Variants in CHERP observed in about 807,000 individuals in gnomAD.
The protein encoded by CHERP is ERPROT 213-21.
In CHERP, 8 loss-of-function variants were observed where a neutral mutation model predicts 113.8. The observed-to-expected ratio is 0.07, with a 90% CI of 0.04 to 0.13. The LOEUF is 0.13. CHERP is among the 10% of genes least tolerant of loss of function. The probability of loss-of-function intolerance (pLI) is 1.00; values close to 1 mark genes in which losing one functional copy is unlikely to be tolerated. For synonymous variants in CHERP, 559 were observed against 524.5 expected, an observed-to-expected ratio of 1.07 and a Z score of -0.90; for missense variants, 884 against 1,298.2, an observed-to-expected ratio of 0.68 and a Z score of 4.90.
chr19:16,542,200 C>A, intron 1 of CHERP, 154 bp downstream of exon 1: 1 of 1,071,984 alleles, frequency 9.3e-7, no homozygotes, highest in African/African-American at 1.7e-5. Flanking sequence ...GCCACACGCT[C>A]GCCGGGAATG....
At chr19:16,531,228 T>A (rs2085701713) in intron 5 of CHERP, among the ~76,000 whole-genome samples, 1 of 152,172 alleles carries the variant, frequency 6.6e-6, no homozygotes, top group Non-Finnish European at 1.5e-5. Context: ...TGCCTGTGTA[T>A]GATGGGCGGG....
chr19:16,525,274 C>A lies in CHERP; in HGVS notation c.1709G>T (p.Arg570Leu). Residue 570 changes from arginine (R) to leucine (L), a missense_variant, in exon 10 of 17, where the codon CGC becomes CTC. This residue lies in a region of CHERP where 464 missense variants were observed against 590.1 expected (regional missense o/e 0.79). Transcript: ENST00000546361. This position sits in a 1 kb window ranked among gnomAD's most constrained non-coding sequence, Gnocchi z 6.5. The part of the protein sequence containing the change: ...HPFERPPYPH[R>L]FDYPQGDFPA... ...GAAGTCCCCCTGGGGGTAGTCGAAGCGGTGGGGATAGGGCGGCCGCTCGAA... is the reference window on the plus strand; with the variant it reads ...GAAGTCCCCCTGGGGGTAGTCGAAGAGGTGGGGATAGGGCGGCCGCTCGAA... 1 of 1,434,360 alleles carries A rather than the reference C, an allele frequency of 7.0e-7. No individual in the cohort carries two copies. The highest frequency in any genetic ancestry group is 1.5e-5 in the South Asian group (1 of 65,304). 88.9% of individuals were successfully genotyped at this position (1,434,360 alleles called of 1,614,324 possible).
rs953636246 is a variant in CHERP, at chr19:16,535,406, A to G, written c.384+46T>C. On this transcript the variant is annotated intron_variant, in intron 3 of 16. Coordinates refer to ENST00000546361, the MANE Select transcript of CHERP (RefSeq NM_006387.6). This position sits in a 1 kb window ranked among gnomAD's most constrained non-coding sequence, Gnocchi z 4.3. ...GATGAGCAGACGCAAAAACAGAGGC[A>G]CAGGGGAGCTGCTGGTGTCTGGCCG... is the stretch of plus-strand genomic sequence containing the variant. 4.4e-6 allele frequency: 7 copies of G among 1,580,180 alleles called. No homozygotes were observed. Among genetic ancestry groups the G allele is most frequent in the Non-Finnish European group, 6.0e-6 (7 of 1,163,436 alleles).
chr19:16,527,770 G>A (rs1013114077), intron 9 of CHERP, among the ~76,000 whole-genome samples: 6 of 152,164 alleles, frequency 3.9e-5, no homozygotes, highest in Admixed American at 6.5e-5. Context: ...GTTTAAGGAG[G>A]ACAGGAAACA....
At chr19:16,533,223 C>A in intron 3 of CHERP, 75 bp from the exon 4 acceptor site, 1 of 1,472,866 alleles carries the variant, frequency 6.8e-7, no homozygotes, top group Non-Finnish European at 9.2e-7. Flanking sequence ...CCTGGCTCAG[C>A]AGGGGCGGGG....
intron 5 of CHERP, among the ~76,000 whole-genome samples, chr19:16,531,823 A>G (rs112932601): frequency 4.6e-5 from 7 of 152,064 alleles, no homozygotes; most frequent in African/African-American, 1.7e-4. Flanking sequence ...GCTGCATGTG[A>G]TAGATGGGGC....
At position 16,535,560 on chromosome 19, in the gene CHERP, G is replaced by A. The variant is rs763228421; in HGVS notation, c.276C>T (p.Pro92=). Residue 92 remains proline, a synonymous_variant, in exon 3 of 17, where the codon CCC becomes CCT. Transcript: ENST00000546361. The surrounding 1 kb of genome is among the most constrained non-coding windows in gnomAD (Gnocchi z 4.3). ...CCTGGGCCGGCGGGATGGGCGCGGC[G>A]GGGGCCAGCGGGGGCTGTGGCAGGG... ...MPPLPQPPLA[P]AAPIPPAQGA... 1.0e-4 allele frequency: 160 copies of A among 1,567,758 alleles called. No individual in the cohort carries two copies. The highest frequency in any genetic ancestry group is 5.7e-4 in the East Asian group (24 of 42,242).
rs974680748 is a variant in CHERP at position 16,542,284 on chromosome 19, G to A, written c.25+70C>T. 10 of 1,330,418 alleles carry A rather than the reference G, an allele frequency of 7.5e-6. No homozygotes were observed. In the African/African-American group the frequency reaches 1.1e-4, roughly 14 times the overall value. 82.4% of individuals were successfully genotyped at this position (1,330,418 alleles called of 1,614,324 possible). A position where few individuals can be genotyped will look rare whatever the true frequency, so the allele number is the denominator to read the frequency against. On this transcript the variant is annotated intron_variant, in intron 1 of 16. Coordinates refer to ENST00000546361, the MANE Select transcript of CHERP (RefSeq NM_006387.6). ...GCCCCCTCCCAGACCCGGGGACTCCGGGAGGCGGGGCCGGCCAATAGGAGG... is the reference window on the plus strand; with the variant it reads ...GCCCCCTCCCAGACCCGGGGACTCCAGGAGGCGGGGCCGGCCAATAGGAGG...
At chr19:16,539,877 C>G (rs937482954) in intron 2 of CHERP, 2 of 152,290 alleles carry the variant, frequency 1.3e-5, no homozygotes, top group Non-Finnish European at 2.9e-5. Context: ...TTACTGCACA[C>G]ACTCAATCGA....
chr19:16,538,189 C>T (rs1449660475), intron 2 of CHERP, among the ~76,000 whole-genome samples: 1 of 152,184 alleles, frequency 6.6e-6, no homozygotes, highest in South Asian at 2.1e-4. Flanking sequence ...AACTCCTCCC[C>T]AAGCCAGGCT....
chr19:16,524,183 G>T (rs1171754765), intron 10 of CHERP, among the ~76,000 whole-genome samples: 1 of 152,116 alleles, frequency 6.6e-6, no homozygotes, highest in East Asian at 1.9e-4. Flanking sequence ...CCAAGAGGAG[G>T]CTGCAGTGAG....
intron 10 of CHERP, among the ~76,000 whole-genome samples, chr19:16,524,594 C>A (rs1408789127): frequency 6.7e-6 from 1 of 149,830 alleles, no homozygotes; most frequent in South Asian, 2.1e-4. Context: ...GAAATAAAAT[C>A]AATAACAAAG....
intron 8 of CHERP, among the ~76,000 whole-genome samples, chr19:16,529,273 C>T (rs1272628378): frequency 6.6e-6 from 1 of 152,224 alleles, no homozygotes; most frequent in Non-Finnish European, 1.5e-5. Flanking sequence ...CCATCTTGGC[C>T]TCCCAAAGTG....
intron 2 of CHERP, among the ~76,000 whole-genome samples, chr19:16,536,162 C>A (rs544699867): frequency 6.6e-6 from 1 of 152,376 alleles, no homozygotes; most frequent in East Asian, 1.9e-4. Flanking sequence ...TCCCCCACAC[C>A]TGCCTTGTCC....
intron 11 of CHERP, 114 bp downstream of exon 11, chr19:16,522,938 G>T: frequency 8.0e-7 from 1 of 1,242,404 alleles, no homozygotes. Context: ...TAGGGAGTGG[G>T]AGATGAAGGG....
chr19:16,536,171 C>A, intron 2 of CHERP, among the ~76,000 whole-genome samples: 1 of 152,232 alleles, frequency 6.6e-6, no homozygotes. Context: ...CCTGCCTTGT[C>A]CTTCTACTGA....
Position 16,523,280 on chromosome 19 carries a change from G to T in CHERP, c.1752C>A (p.Pro584=). 2 of 1,601,512 alleles carry T rather than the reference G, an allele frequency of 1.2e-6. No individual in the cohort carries two copies. The highest frequency in any genetic ancestry group is 8.5e-7 in the Non-Finnish European group (1 of 1,174,940). ...PQGDFPAEMG[P]PHHHPGHRMP... ...TGCGGTGGCCAGGGTGGTGGTGAGG[G>T]GGCCCCATTTCTGCAAAACAGAGAC... Residue 584 remains proline (P), a synonymous_variant, in exon 11 of 17, where the codon CCC becomes CCA. Transcript: ENST00000546361. This position sits in a 1 kb window ranked among gnomAD's most constrained non-coding sequence, Gnocchi z 4.0.
intron 8 of CHERP, among the ~76,000 whole-genome samples, chr19:16,529,384 T>C (rs565848982): frequency 6.6e-6 from 1 of 152,332 alleles, no homozygotes; most frequent in Non-Finnish European, 1.5e-5. Context: ...TCTTGGGGAA[T>C]GATCTGGGTA....
At chr19:16,539,146 GTTTTTTT>G (rs889826521) in intron 2 of CHERP, among the ~76,000 whole-genome samples, 1 of 130,876 alleles carries the variant, frequency 7.6e-6, no homozygotes, top group Non-Finnish European at 1.6e-5. Flanking sequence ...TTTAGAAACG[GTTTTTTT>G]TTTTTTTTTT....
Sources: gnomAD v4.1 joint callset for allele counts (sites outside exome capture counted in the v4.1 genomes callset) on GRCh38, gnomAD v4.1.1 for gene constraint, gnomAD v4.1.1 regional missense constraint, Gnocchi (gnomAD v3.1) non-coding constraint, MANE v1.5 for transcripts, NCBI Gene and HGNC (gene_info 2026-07-23, HGNC 2026-07-21) for gene names.